SNX27: variants seen among roughly 807,000 people sequenced by gnomAD.
SNX27 encodes the protein sorting nexin 27, also known as sorting nexin-27.
Under a neutral mutation model 71.6 loss-of-function variants are expected in SNX27, and 22 were observed. The observed-to-expected ratio is 0.31, with a 90% CI of 0.22 to 0.44. SNX27 has a LOEUF of 0.44. Among genes scored for constraint, SNX27 ranks in the 20% least tolerant of loss-of-function variants. SNX27 has a pLI of 1.00. For synonymous variants in SNX27, 269 were observed against 277.2 expected (o/e 0.97, Z 0.29); for missense variants, 531 against 698.6 (o/e 0.76, Z 2.70).
At chr1:151,671,786 T>G (rs1407186496) in intron 7 of SNX27, among the ~76,000 whole-genome samples, 1 of 152,144 alleles carries the variant, frequency 6.6e-6, no homozygotes, top group Admixed American at 6.5e-5. Flanking sequence ...TCATAGTGTT[T>G]TAATTTCTTT....
intron 1 of SNX27, among the ~76,000 whole-genome samples, chr1:151,618,531 T>G (rs1318065689): frequency 6.6e-6 from 1 of 152,220 alleles, no homozygotes; most frequent in African/African-American, 2.4e-5. Context: ...GTCTTTTAAC[T>G]TATTGTGAAG....
intron 1 of SNX27, among the ~76,000 whole-genome samples, chr1:151,636,548 A>G (rs1271515785): frequency 6.6e-6 from 1 of 151,484 alleles, no homozygotes; most frequent in Non-Finnish European, 1.5e-5. Context: ...CAAGTGATTC[A>G]TCTGCCTTGG....
intron 10 of SNX27, 32 bp downstream of exon 10, chr1:151,693,071 T>C (rs779782066): frequency 1.5e-5 from 24 of 1,596,066 alleles, no homozygotes; most frequent in Non-Finnish European, 2.0e-5. Context: ...TAACTGGGAC[T>C]TAGTTTGTTT....
intron 2 of SNX27, among the ~76,000 whole-genome samples, chr1:151,654,078 G>T (rs552963118): frequency 2.6e-5 from 4 of 152,058 alleles, no homozygotes; most frequent in Admixed American, 2.6e-4. Context: ...TGATCCACCC[G>T]TCTTGGACTC....
At chr1:151,663,439 C>T (rs925569129) in intron 5 of SNX27, among the ~76,000 whole-genome samples, 1 of 152,136 alleles carries the variant, frequency 6.6e-6, no homozygotes, top group South Asian at 2.1e-4. Context: ...CATGAGCCAC[C>T]ACCCCGGCCT....
intron 2 of SNX27, among the ~76,000 whole-genome samples, chr1:151,648,711 G>A (rs1329419443): frequency 5.3e-5 from 8 of 150,704 alleles, no homozygotes; most frequent in African/African-American, 1.9e-4. Flanking sequence ...GAGCCACCAT[G>A]CCCAGCCCAT....
chr1:151,689,924 C>G (rs2102737267), intron 8 of SNX27, among the ~76,000 whole-genome samples: 1 of 152,104 alleles, frequency 6.6e-6, no homozygotes, highest in East Asian at 1.9e-4. Flanking sequence ...TCCCGGCTCA[C>G]TGCAGCCTCC....
intron 2 of SNX27, among the ~76,000 whole-genome samples, chr1:151,642,267 A>C (rs529252008): frequency 2.2e-4 from 34 of 151,846 alleles, no homozygotes; most frequent in African/African-American, 8.0e-4. Context: ...GGAGCCTGTA[A>C]TCCCAGCTAC....
chr1:151,613,218 G>C (rs983302393), intron 1 of SNX27: 1 of 151,822 alleles, frequency 6.6e-6, no homozygotes, highest in Non-Finnish European at 1.5e-5. Context: ...GCATGCCTTT[G>C]GGGTGGGGGG....
intron 1 of SNX27, among the ~76,000 whole-genome samples, chr1:151,620,916 T>C (rs1489405917): frequency 6.6e-6 from 1 of 152,172 alleles, no homozygotes; most frequent in East Asian, 1.9e-4. Flanking sequence ...GGTCTTGAAC[T>C]CATGACCTCG....
chr1:151,696,465 CTTTCTT>C lies in SNX27; in HGVS notation c.*2050_*2055del, dbSNP rs1558082544. 2.1e-5 allele frequency: 1 copy of C among 48,558 alleles called. No individual in the cohort carries two copies. The allele number at this position is 48,558 out of a possible 1,614,324, so 3.0% of individuals were successfully genotyped here. A position where few individuals can be genotyped will look rare whatever the true frequency, so the allele number is the denominator to read the frequency against. On this transcript the variant is annotated 3_prime_UTR_variant, in exon 12 of 12. Coordinates refer to ENST00000458013, the MANE Select transcript of SNX27 (RefSeq NM_001330723.2). ...GCAAATCATTGTGAGGCCACTTTTT[CTTTCTT>C]TCTTTCTTTCTTTCTTTCTTTCTTT... is the stretch of plus-strand genomic sequence containing the variant.
In SNX27 at chr1:151,668,414, C is replaced by G. The variant is rs1368887564; in HGVS notation, c.986-58C>G. The stretch of plus-strand genomic sequence containing the variant: ...CTTGATCTGCCTTACATAGTTTATA[C>G]TAGGGAAGTTTCTTATATCTTTTCA... On this transcript the variant is annotated intron_variant, in intron 6 of 11. Transcript: ENST00000458013. The G allele has an allele frequency of 2.5e-5, 37 of 1,498,994 alleles. No homozygotes were observed. The South Asian group carries it at 4.5e-4, about 18-fold the overall frequency. The allele number at this position is 1,498,994 out of a possible 1,614,324, so 92.9% of individuals were successfully genotyped here. A position where few individuals can be genotyped will look rare whatever the true frequency, so the allele number is the denominator to read the frequency against.
intron 1 of SNX27, chr1:151,615,966 T>A (rs1178951753): frequency 1.1e-5 from 3 of 275,638 alleles, no homozygotes; most frequent in Non-Finnish European, 1.7e-5. Flanking sequence ...CAGTTTGCCT[T>A]TTCTCCTTTC....
At chr1:151,653,803 G>T (rs1283888187) in intron 2 of SNX27, among the ~76,000 whole-genome samples, 10 of 151,224 alleles carry the variant, frequency 6.6e-5, no homozygotes, top group Non-Finnish European at 4.4e-5. Context: ...TTATAGACAA[G>T]AGCCACTGTG....
chr1:151,648,126 C>CA (rs1422631670), intron 2 of SNX27, among the ~76,000 whole-genome samples: 1 of 152,054 alleles, frequency 6.6e-6, no homozygotes, highest in Non-Finnish European at 1.5e-5. Flanking sequence ...GCAATCTTGG[C>CA]ACCCTGCAAC....
intron 2 of SNX27, among the ~76,000 whole-genome samples, chr1:151,651,371 GC>G (rs1669353997): frequency 6.7e-6 from 1 of 150,238 alleles, no homozygotes; most frequent in African/African-American, 2.5e-5. Flanking sequence ...GGCTGGCCTG[GC>G]GGGGGGCTGA....
At chr1:151,666,827 G>GTAAC (rs1437187806) in intron 6 of SNX27, 1 of 152,130 alleles carries the variant, frequency 6.6e-6, no homozygotes, top group Non-Finnish European at 1.5e-5. Context: ...TCACAGCAGT[G>GTAAC]TAACTAGACA....
intron 1 of SNX27, among the ~76,000 whole-genome samples, chr1:151,634,759 A>T (rs962148536): frequency 2.0e-5 from 3 of 152,134 alleles, no homozygotes; most frequent in Non-Finnish European, 4.4e-5. Flanking sequence ...TCATTTTATT[A>T]TGAAAAGTTT....
chr1:151,693,087 T>G (rs1671533543), intron 10 of SNX27, 48 bp downstream of exon 10: 5 of 1,519,962 alleles, frequency 3.3e-6, no homozygotes, highest in South Asian at 1.2e-5. Flanking sequence ...TGTTTTTTTG[T>G]TTTTTTTTTC....
Sources: gnomAD v4.1 joint callset for allele counts (sites outside exome capture counted in the v4.1 genomes callset) on GRCh38, gnomAD v4.1.1 for gene constraint, MANE v1.5 for transcripts, NCBI Gene and HGNC (gene_info 2026-07-23, HGNC 2026-07-21) for gene names.